SORCS1: variants seen among roughly 807,000 people sequenced by gnomAD.
The protein encoded by SORCS1 is VPS10 domain-containing receptor SorCS1.
A neutral mutation model predicts 146.1 loss-of-function variants in SORCS1; 60 were observed. The ratio of observed to expected loss-of-function variants is 0.41; its 90% CI spans 0.33 to 0.51. The LOEUF is 0.51. Among genes scored for constraint, SORCS1 ranks in the 20% least tolerant of loss-of-function variants. The probability of loss-of-function intolerance (pLI) is 0.21; values close to 1 mark genes in which losing one functional copy is unlikely to be tolerated. For missense variants in SORCS1, 1,352 were observed against 1,487.6 expected (o/e 0.91, Z 1.50); for synonymous variants, 637 against 584.0 (o/e 1.09, Z -1.31).
chr10:106,709,670 G>A (rs1302566922), intron 6 of SORCS1, among the ~76,000 whole-genome samples: 1 of 151,934 alleles, frequency 6.6e-6, no homozygotes. Context: ...GGATGGTCTC[G>A]ATCTCCTGAC....
rs1860179015 is a variant in SORCS1, at chr10:106,773,437, G to A, written c.885+3097C>T. ...CTTCCAGCCAATGCCATCAGCTAACGGCTGCGGCTCACTCCCTTCCAGCGA... is the reference window on the plus strand; with the variant it reads ...CTTCCAGCCAATGCCATCAGCTAACAGCTGCGGCTCACTCCCTTCCAGCGA... On this transcript the variant is annotated intron_variant, in intron 4 of 25. Transcript: ENST00000263054. 3.9e-5 allele frequency among the ~76,000 whole-genome samples: 6 copies of A among 152,268 alleles called. No homozygotes were observed. In the South Asian group the frequency reaches 1.2e-3, roughly 32 times the overall value.
intron 2 of SORCS1, among the ~76,000 whole-genome samples, chr10:106,946,327 G>A (rs1046322207): frequency 3.3e-5 from 5 of 152,168 alleles, no homozygotes; most frequent in Non-Finnish European, 7.3e-5. Context: ...ATGTGATATG[G>A]TTTGGCTGTG....
intron 3 of SORCS1, among the ~76,000 whole-genome samples, chr10:106,797,039 G>A (rs751345984): frequency 5.3e-5 from 8 of 152,122 alleles, no homozygotes; most frequent in Non-Finnish European, 1.2e-4. Flanking sequence ...CCTGGGAGAC[G>A]GAGGTTGCAG....
intron 2 of SORCS1, among the ~76,000 whole-genome samples, chr10:106,886,132 G>A (rs1950992273): frequency 6.6e-6 from 1 of 152,046 alleles, no homozygotes; most frequent in Admixed American, 6.6e-5. Flanking sequence ...CATGGTAGCA[G>A]GCACCTGTAA....
intron 3 of SORCS1, among the ~76,000 whole-genome samples, chr10:106,777,965 A>C (rs1326075236): frequency 6.6e-6 from 1 of 152,182 alleles, no homozygotes; most frequent in Non-Finnish European, 1.5e-5. Context: ...AAAGATTACC[A>C]GCTGAGGATG....
In SORCS1 at chr10:106,627,924, G is replaced by C. The variant is rs547862713; in HGVS notation, c.2662+1278C>G. Among the ~76,000 whole-genome samples the C allele has an allele frequency of 1.3e-3, 197 of 152,318 alleles. 4 individuals are homozygous for C. Among genetic ancestry groups the C allele is most frequent in the African/African-American group, 4.6e-3 (190 of 41,578 alleles). ...GTAGTAGGTGGGCCACTTCAAACAAGTAACTTAAGCTCTCTGAACCTCAAC... is the reference window on the plus strand; with the variant it reads ...GTAGTAGGTGGGCCACTTCAAACAACTAACTTAAGCTCTCTGAACCTCAAC... On this transcript the variant is annotated intron_variant, in intron 19 of 25. Coordinates refer to ENST00000263054, the MANE Select transcript of SORCS1 (RefSeq NM_052918.5).
chr10:106,705,941 A>T (rs1368217179), intron 8 of SORCS1, among the ~76,000 whole-genome samples: 2 of 152,224 alleles, frequency 1.3e-5, no homozygotes, highest in Non-Finnish European at 2.9e-5. Context: ...TCATAAGTTT[A>T]CAGGGAGCTG....
At chr10:106,961,696 G>A (rs907639646) in intron 1 of SORCS1, among the ~76,000 whole-genome samples, 28 of 152,116 alleles carry the variant, frequency 1.8e-4, no homozygotes, top group African/African-American at 6.0e-4. Flanking sequence ...TCTCCTTAGC[G>A]TAAGACACTC....
chr10:106,642,987 G>C (rs1316761060), intron 18 of SORCS1, among the ~76,000 whole-genome samples: 1 of 152,176 alleles, frequency 6.6e-6, no homozygotes, highest in African/African-American at 2.4e-5. Context: ...CTTGATCTTT[G>C]TGACTACTTA....
chr10:107,012,173 C>T (rs951613273), intron 1 of SORCS1, among the ~76,000 whole-genome samples: 1 of 152,154 alleles, frequency 6.6e-6, no homozygotes, highest in African/African-American at 2.4e-5. Flanking sequence ...CAATTTCACG[C>T]TTTCCTTCCA....
At chr10:106,803,338 A>C (rs1051377241) in intron 3 of SORCS1, among the ~76,000 whole-genome samples, 1 of 152,340 alleles carries the variant, frequency 6.6e-6, no homozygotes. Context: ...CAAAAGGGAC[A>C]CACACTTATA....
rs564039663 is a variant in SORCS1 at position 107,060,680 on chromosome 10, G to A, written c.558+103289C>T. 1.5e-3 allele frequency among the ~76,000 whole-genome samples: 232 copies of A among 152,142 alleles called. No homozygotes were observed. The highest frequency in any genetic ancestry group is 9.2e-3 in the South Asian group (44 of 4,808). ...TTGTGACCATGAGTCCCCGGCTCAC[G>A]GTTTTCTCCTCTCTTGACACTTGCA... On this transcript the variant is annotated intron_variant, in intron 1 of 25. Transcript: ENST00000263054. The surrounding 1 kb of genome is among the most constrained non-coding windows in gnomAD (Gnocchi z 4.1).
Position 106,577,450 on chromosome 10 carries a change from C to A in SORCS1, c.3477G>T (p.Arg1159=), listed in dbSNP as rs1564737019. The A allele has an allele frequency of 6.2e-7, 1 of 1,614,006 alleles. No homozygotes were observed. Among genetic ancestry groups the A allele is most frequent in the Non-Finnish European group, 8.5e-7 (1 of 1,179,928 alleles). Residue 1159 remains arginine (R), a synonymous_variant, in exon 26 of 26, where the codon CGG becomes CGT. Coordinates refer to ENST00000263054, the MANE Select transcript of SORCS1 (RefSeq NM_052918.5). ...TTGCATACTGTGCCCCAGCAGATCC[C>A]CGCTTTGGCGTTGAAGGCGGAGTGG... ...RHATPPSTPK[R]GSAGAQYAI
intron 5 of SORCS1, among the ~76,000 whole-genome samples, chr10:106,739,226 C>T (rs1188605509): frequency 6.6e-6 from 1 of 152,160 alleles, no homozygotes; most frequent in Non-Finnish European, 1.5e-5. Context: ...TGGCTCATGC[C>T]TGTAATCCTA....
intron 1 of SORCS1, among the ~76,000 whole-genome samples, chr10:107,131,806 C>T (rs995541028): frequency 1.3e-5 from 2 of 152,094 alleles, no homozygotes; most frequent in Non-Finnish European, 2.9e-5. Context: ...TCCTCTGTGA[C>T]AAAAATCCTC....
At chr10:106,651,156 C>T (rs1849830181) in intron 18 of SORCS1, among the ~76,000 whole-genome samples, 1 of 152,132 alleles carries the variant, frequency 6.6e-6, no homozygotes. Flanking sequence ...GTAAATGGCC[C>T]TTGGACCAGA....
At chr10:107,065,435 C>CTTTCTTTCT (rs1408650053) in intron 1 of SORCS1, among the ~76,000 whole-genome samples, 5 of 147,668 alleles carry the variant, frequency 3.4e-5, no homozygotes, top group Non-Finnish European at 7.5e-5. Context: ...TTCTTTCTTT[C>CTTTCTTTCT]TTTCTTTCTT....
intron 3 of SORCS1, among the ~76,000 whole-genome samples, chr10:106,793,274 GA>G (rs1946401626): frequency 6.6e-6 from 1 of 152,186 alleles, no homozygotes; most frequent in African/African-American, 2.4e-5. Flanking sequence ...GAATAAGTAG[GA>G]AAGATTCGTG....
chr10:107,142,999 A>T (rs1307322241), intron 1 of SORCS1, among the ~76,000 whole-genome samples: 7 of 152,234 alleles, frequency 4.6e-5, no homozygotes, highest in Admixed American at 2.6e-4. Context: ...AGTAGTATAT[A>T]ACAGACAAAG....
Sources: allele counts gnomAD v4.1 joint callset (sites outside exome capture counted in the v4.1 genomes callset), GRCh38; gene constraint gnomAD v4.1.1; non-coding constraint Gnocchi (gnomAD v3.1); transcripts MANE v1.5; gene names NCBI Gene and HGNC (gene_info 2026-07-23, HGNC 2026-07-21).